Variants in RAP1A observed in about 807,000 individuals in gnomAD.
RAP1A encodes the protein ras-related protein Rap-1A.
RAP1A carries 6 observed loss-of-function variants against 26.4 expected under a neutral mutation model. That is an observed-to-expected ratio of 0.23 (90% CI 0.12 to 0.45). The LOEUF (loss-of-function observed/expected upper bound fraction) is 0.45. Ranked by LOEUF, RAP1A falls within the 20% of genes least tolerant of loss-of-function variation. The pLI is 0.99. For missense variants in RAP1A, 121 were observed against 217.2 expected, an observed-to-expected ratio of 0.56 and a Z score of 2.78; for synonymous variants, 73 against 79.4, an observed-to-expected ratio of 0.92 and a Z score of 0.43.
intron 1 of RAP1A, among the ~76,000 whole-genome samples, chr1:111,631,202 A>G (rs1659557772): frequency 6.6e-6 from 1 of 152,212 alleles, no homozygotes; most frequent in Non-Finnish European, 1.5e-5. Flanking sequence ...TCAAGATCCT[A>G]GCACTGGGTT....
At chr1:111,610,122 C>G (rs1258520380) in intron 1 of RAP1A, among the ~76,000 whole-genome samples, 1 of 152,204 alleles carries the variant, frequency 6.6e-6, no homozygotes, top group African/African-American at 2.4e-5. Flanking sequence ...CACCCCCTCA[C>G]TCTTCCTTAG....
At chr1:111,645,386 A>T (rs1006551363) in intron 1 of RAP1A, among the ~76,000 whole-genome samples, 2 of 152,200 alleles carry the variant, frequency 1.3e-5, no homozygotes, top group African/African-American at 4.8e-5. Context: ...GAGGAAGTGG[A>T]GTAGAGATTG....
intron 1 of RAP1A, among the ~76,000 whole-genome samples, chr1:111,666,701 A>G (rs1285054438): frequency 6.6e-6 from 1 of 152,162 alleles, no homozygotes; most frequent in African/African-American, 2.4e-5. Flanking sequence ...AAAATGCCTG[A>G]TACTATAAGA....
At chr1:111,599,858 A>AG (rs900419002) in intron 1 of RAP1A, 4 of 152,096 alleles carry the variant, frequency 2.6e-5, no homozygotes, top group African/African-American at 9.7e-5. Context: ...CGGGGGCGGC[A>AG]GGGGGATCCC....
chr1:111,680,985 G>A (rs373402501), intron 1 of RAP1A, among the ~76,000 whole-genome samples: 12 of 152,314 alleles, frequency 7.9e-5, no homozygotes, highest in African/African-American at 2.4e-4. Context: ...GGTGGCTCAC[G>A]CCTGTAATCC....
At chr1:111,639,177 A>G (rs908048120) in intron 1 of RAP1A, among the ~76,000 whole-genome samples, 14 of 152,160 alleles carry the variant, frequency 9.2e-5, no homozygotes, top group Non-Finnish European at 2.1e-4. Context: ...TAGTTTAGGT[A>G]CATCATACTG....
At chr1:111,642,211 C>T (rs1395727990) in intron 1 of RAP1A, among the ~76,000 whole-genome samples, 2 of 152,106 alleles carry the variant, frequency 1.3e-5, no homozygotes, top group East Asian at 1.9e-4. Context: ...AGCCATTGCA[C>T]TCCAGCCTGG....
Position 111,713,715 on chromosome 1 carries a change from G to A in RAP1A, c.*1314G>A, listed in dbSNP as rs1462490852. On this transcript the variant is annotated 3_prime_UTR_variant, in exon 8 of 8. Transcript: ENST00000369709. ...AGTTAAAATTGTAGCTTCCTATATA[G>A]TGGTGCTTTTTCTTTTCCTTCCCAG... The A allele has an allele frequency of 6.6e-6, 1 of 152,216 alleles. No homozygotes were observed. The highest frequency in any genetic ancestry group is 1.5e-5 in the Non-Finnish European group (1 of 68,016). The allele number at this position is 152,216 out of a possible 1,614,324, so 9.4% of individuals were successfully genotyped here.
intron 1 of RAP1A, among the ~76,000 whole-genome samples, chr1:111,597,422 A>G (rs569119118): frequency 6.6e-6 from 1 of 152,336 alleles, no homozygotes; most frequent in African/African-American, 2.4e-5. Context: ...AATAAAAAGC[A>G]TGAACATTAC....
chr1:111,563,956 T>G, intron 1 of RAP1A: 3 of 1,610,754 alleles, frequency 1.9e-6, no homozygotes, highest in Non-Finnish European at 2.5e-6. Context: ...CTTCCATTGG[T>G]CCAACTGGTG....
At chr1:111,617,362 T>C (rs550208654), upstream of RAP1A, among the ~76,000 whole-genome samples, 1 of 152,364 alleles carries the variant, frequency 6.6e-6, no homozygotes, top group African/African-American at 2.4e-5. Flanking sequence ...CTTTCACTTC[T>C]GTGCTAGATC....
intron 1 of RAP1A, among the ~76,000 whole-genome samples, chr1:111,675,291 C>T (rs1661092101): frequency 6.6e-6 from 1 of 151,984 alleles, no homozygotes; most frequent in African/African-American, 2.4e-5. Flanking sequence ...ACCATCCTGG[C>T]TAACATGGTG....
intron 1 of RAP1A, among the ~76,000 whole-genome samples, chr1:111,594,518 G>A (rs1463371597): frequency 2.1e-5 from 3 of 143,270 alleles, no homozygotes; most frequent in Non-Finnish European, 4.6e-5. Flanking sequence ...GAAGGAAGGG[G>A]AAGGGGAAAG....
At position 111,582,647 on chromosome 1, in the gene RAP1A, C is replaced by T. The variant is rs1310625619; in HGVS notation, c.-28+40138C>T. Among the ~76,000 whole-genome samples the T allele has an allele frequency of 2.0e-5, 3 of 152,194 alleles. No individual in the cohort carries two copies. In the East Asian group the frequency reaches 5.8e-4, roughly 29 times the overall value. On this transcript the variant is annotated intron_variant, in intron 1 of 7. Coordinates refer to the RAP1A transcript ENST00000356415. ...GCACACGATTGCCTAGAACATAAAA[C>T]CAGGACAGTCAGGGAGCATCTCTAG...
intron 4 of RAP1A, among the ~76,000 whole-genome samples, chr1:111,702,524 A>G (rs1423995645): frequency 6.6e-6 from 1 of 152,096 alleles, no homozygotes; most frequent in East Asian, 1.9e-4. Context: ...CATCTTTTCT[A>G]AAGGTTTGGA....
At chr1:111,602,308 C>T (rs533434112) in intron 1 of RAP1A, 2 of 152,268 alleles carry the variant, frequency 1.3e-5, no homozygotes, top group Admixed American at 1.3e-4. Context: ...GAAGCTCTGG[C>T]TTTTAAATTT....
chr1:111,695,933 C>T (rs978013176), intron 3 of RAP1A, among the ~76,000 whole-genome samples: 18 of 152,028 alleles, frequency 1.2e-4, no homozygotes, highest in African/African-American at 2.9e-4. Flanking sequence ...TTGGTGATAA[C>T]GATGTGTTCA....
At chr1:111,676,030 C>G (rs572878658) in intron 1 of RAP1A, among the ~76,000 whole-genome samples, 2 of 152,330 alleles carry the variant, frequency 1.3e-5, no homozygotes, top group East Asian at 3.9e-4. Context: ...ATTATCCCCA[C>G]CTAGCCCTGC....
At chr1:111,606,444 T>G (rs1299171579) in intron 1 of RAP1A, among the ~76,000 whole-genome samples, 2 of 152,248 alleles carry the variant, frequency 1.3e-5, no homozygotes, top group Non-Finnish European at 2.9e-5. Context: ...GGAAACACTA[T>G]TTTCATATAG....
Sources: allele counts gnomAD v4.1 joint callset (sites outside exome capture counted in the v4.1 genomes callset), GRCh38; gene constraint gnomAD v4.1.1; transcripts MANE v1.5; gene names NCBI Gene and HGNC (gene_info 2026-07-23, HGNC 2026-07-21).